TENM2: variants seen among roughly 807,000 people sequenced by gnomAD.
The protein encoded by TENM2 is teneurin-2.
A neutral mutation model predicts 245.2 loss-of-function variants in TENM2; 52 were observed. The observed-to-expected ratio is 0.21, with a 90% CI of 0.17 to 0.27. The LOEUF (loss-of-function observed/expected upper bound fraction) is 0.27. Among genes scored for constraint, TENM2 ranks in the 10% least tolerant of loss-of-function variants. The pLI is 1.00. For synonymous variants in TENM2, 1,363 were observed against 1,438.9 expected (o/e 0.95, Z 1.19); for missense variants, 3,046 against 3,666.8 (o/e 0.83, Z 4.37).
chr5:168,154,158 A>AAAAAAAAAAAAAAAAAC (rs1756924851), intron 12 of TENM2, among the ~76,000 whole-genome samples: 2 of 151,170 alleles, frequency 1.3e-5, no homozygotes, highest in Admixed American at 6.6e-5. Flanking sequence ...AAAAAAAAAA[A>AAAAAAAAAAAAAAAAAC]AAAAAAAACA....
upstream of TENM2, among the ~76,000 whole-genome samples, chr5:167,281,769 C>T (rs902885595): frequency 2.6e-5 from 4 of 152,034 alleles, no homozygotes; most frequent in Admixed American, 1.3e-4. Context: ...GAGGCCGAGG[C>T]GAGCAGATCA....
the TENM2 span, among the ~76,000 whole-genome samples, chr5:167,138,855 T>G: frequency 6.6e-6 from 1 of 152,154 alleles, no homozygotes; most frequent in Non-Finnish European, 1.5e-5. Context: ...ACTCCTGACC[T>G]TAGGTGATCC....
intron 2 of TENM2, among the ~76,000 whole-genome samples, chr5:167,618,411 T>C (rs1038278941): frequency 6.6e-6 from 1 of 152,058 alleles, no homozygotes; most frequent in African/African-American, 2.4e-5. Context: ...ACACCGGAGA[T>C]GCATTAGAAT....
chr5:167,583,188 G>A (rs1184661723), intron 2 of TENM2, among the ~76,000 whole-genome samples: 1 of 152,118 alleles, frequency 6.6e-6, no homozygotes, highest in East Asian at 1.9e-4. Context: ...ATTCGAATTC[G>A]GGGATAAATG....
chr5:168,225,422 A>G (rs148064528), intron 23 of TENM2, among the ~76,000 whole-genome samples: 1 of 152,308 alleles, frequency 6.6e-6, no homozygotes, highest in Non-Finnish European at 1.5e-5. Context: ...TGAAACTGCT[A>G]TTTGGGGAAT....
At chr5:167,940,176 T>C (rs1779059752) in intron 3 of TENM2, among the ~76,000 whole-genome samples, 1 of 152,230 alleles carries the variant, frequency 6.6e-6, no homozygotes, top group African/African-American at 2.4e-5. Flanking sequence ...TCTCAAATGA[T>C]ACCGCAGTAT....
intron 2 of TENM2, among the ~76,000 whole-genome samples, chr5:167,543,632 A>T (rs2127608395): frequency 6.6e-6 from 1 of 152,366 alleles, no homozygotes; most frequent in Admixed American, 6.5e-5. Context: ...GTCTTAAAAC[A>T]GTAGAAATTT....
chr5:167,522,479 C>T (rs1770831960), intron 2 of TENM2, among the ~76,000 whole-genome samples: 1 of 151,988 alleles, frequency 6.6e-6, no homozygotes, highest in Admixed American at 6.6e-5. Context: ...TTTTGGACCC[C>T]TCATTTTCTT....
chr5:168,190,193 GC>G (rs1166644785), intron 13 of TENM2, 143 bp from the exon 16 acceptor site: 1 of 595,568 alleles, frequency 1.7e-6, no homozygotes, highest in East Asian at 2.8e-5. Context: ...ATTGGATGAG[GC>G]TTGCTGTGTG....
chr5:167,655,824 T>C (rs1416649522), intron 2 of TENM2, among the ~76,000 whole-genome samples: 2 of 152,194 alleles, frequency 1.3e-5, no homozygotes, highest in African/African-American at 4.8e-5. Context: ...GGAGAATGTC[T>C]AAGACACAAG....
intron 4 of TENM2, among the ~76,000 whole-genome samples, chr5:167,984,060 G>T (rs1463923162): frequency 2.0e-5 from 3 of 152,010 alleles, no homozygotes; most frequent in Non-Finnish European, 4.4e-5. Flanking sequence ...CCCCTAACAA[G>T]CCCAAGAAGT....
intron 3 of TENM2, among the ~76,000 whole-genome samples, chr5:167,923,244 G>A (rs1042158306): frequency 2.0e-5 from 3 of 152,000 alleles, no homozygotes; most frequent in African/African-American, 2.4e-5. Flanking sequence ...GCTTGAACCC[G>A]AGAGGTGGAG....
the TENM2 span, among the ~76,000 whole-genome samples, chr5:167,088,991 G>T: frequency 6.6e-6 from 1 of 152,206 alleles, no homozygotes; most frequent in Non-Finnish European, 1.5e-5. Context: ...TTATTTAGAC[G>T]CAGTTTCGTT....
intron 2 of TENM2, among the ~76,000 whole-genome samples, chr5:167,570,261 G>T (rs1774179651): frequency 6.6e-6 from 1 of 152,060 alleles, no homozygotes; most frequent in Non-Finnish European, 1.5e-5. Context: ...CTAAGGAATT[G>T]TGAACCTTAG....
At chr5:168,089,143 T>A (rs1039316191) in intron 7 of TENM2, among the ~76,000 whole-genome samples, 4 of 152,180 alleles carry the variant, frequency 2.6e-5, no homozygotes, top group African/African-American at 9.7e-5. Flanking sequence ...AACACTGGTG[T>A]CCTCTTTGCC....
intron 2 of TENM2, among the ~76,000 whole-genome samples, chr5:167,633,402 T>A (rs898013336): frequency 1.1e-4 from 17 of 151,978 alleles, no homozygotes; most frequent in Non-Finnish European, 2.4e-4. Context: ...AAAAAAAAAA[T>A]TAAGACTTGA....
intron 2 of TENM2, among the ~76,000 whole-genome samples, chr5:167,682,104 C>G (rs1323223626): frequency 1.2e-5 from 1 of 81,710 alleles, no homozygotes; most frequent in Non-Finnish European, 2.5e-5. Context: ...ATCCCTCCCT[C>G]CCTCCCTCCC....
intron 2 of TENM2, among the ~76,000 whole-genome samples, chr5:167,388,492 G>T (rs1761574788): frequency 2.0e-5 from 3 of 151,004 alleles, no homozygotes; most frequent in Admixed American, 6.6e-5. Context: ...TTTTTTTGTT[G>T]CAATTTCATT....
At chr5:167,829,919 G>T (rs142589284) in intron 2 of TENM2, among the ~76,000 whole-genome samples, 1,822 of 152,316 alleles carry the variant, frequency 0.012, 33 homozygotes, top group African/African-American at 0.041. Context: ...ACAAAGGGCT[G>T]ATGAATCCAT....
Sources: allele counts gnomAD v4.1 joint callset (sites outside exome capture counted in the v4.1 genomes callset), GRCh38; gene constraint gnomAD v4.1.1; transcripts MANE v1.5; gene names NCBI Gene and HGNC (gene_info 2026-07-23, HGNC 2026-07-21).